The following EID3 variants were observed in gnomAD, a reference collection of about 807,000 sequenced individuals.
EID3 encodes the protein EP300 interacting inhibitor of differentiation 3.
EID3 carries 3 observed loss-of-function variants against 1.6 expected under a neutral mutation model. The ratio of observed to expected loss-of-function variants is 1.87; its 90% CI spans 0.85 to 4.83. The LOEUF (loss-of-function observed/expected upper bound fraction) is 4.83, where lower values mean the gene tolerates loss of function less well. EID3 is among the 30% of genes most tolerant of loss of function. The pLI is 0.02. For missense variants in EID3, 471 were observed against 409.9 expected, an observed-to-expected ratio of 1.15 and a Z score of -1.29; for synonymous variants, 164 against 148.1, an observed-to-expected ratio of 1.11 and a Z score of -0.78.
chr12:104,304,109 G>T lies in EID3; in HGVS notation c.175G>T (p.Val59Leu). 6.2e-7 allele frequency: 1 copy of T among 1,614,026 alleles called. No individual in the cohort carries two copies. Among genetic ancestry groups the T allele is most frequent in the Admixed American group, 1.7e-5 (1 of 60,028 alleles). Residue 59 changes from valine (V) to leucine (L), a missense_variant, in exon 1 of 1, where the codon GTG becomes TTG. Val to Leu is a conservative substitution (Grantham distance 32). Transcript: ENST00000527879. ...CGTGCGGCAGAACCGGGAGGACATC[G>T]TGAGCTCGGCGAACAACTCCTTAAC... ...YCVRQNREDI[V>L]SSANNSLTEA...
In EID3 at chr12:104,304,863, C is replaced by A; in HGVS notation, c.929C>A (p.Thr310Asn). The change falls in exon 1 of 1, where the codon ACT becomes AAT. Residue 310 changes from threonine (T) to asparagine (N), a missense_variant. Thr to Asn is a moderately conservative substitution (Grantham distance 65, BLOSUM62 0). Transcript: ENST00000527879. ...HGRKQGVISLTLQEWKNIVAA... is the reference protein window; with the variant it reads ...HGRKQGVISLNLQEWKNIVAA... ...AGGAAACAGGGAGTTATATCTTTGA[C>A]TTTACAGGAGTGGAAAAACATTGTG... is the stretch of plus-strand genomic sequence containing the variant. 6.2e-7 allele frequency: 1 copy of A among 1,613,742 alleles called. No individual in the cohort carries two copies. The highest frequency in any genetic ancestry group is 1.1e-5 in the South Asian group (1 of 91,026).
chr12:104,304,061 C>T lies in EID3; in HGVS notation c.127C>T (p.Gln43Ter). 2 of 1,613,874 alleles carry T rather than the reference C, an allele frequency of 1.2e-6. No individual in the cohort carries two copies. The highest frequency in any genetic ancestry group is 2.7e-5 in the African/African-American group (2 of 75,060). ...DEEKCRSIRR[Q>*]YRQLMYCVRQ... ...GGAGAAGTGCCGCAGCATCCGCAGG[C>T]AGTACCGGCAGCTCATGTACTGCGT... Residue 43 changes from glutamine to a stop codon, truncating the protein, a stop_gained, in exon 1 of 1, where the codon CAG becomes TAG. Coordinates refer to ENST00000527879, the MANE Select transcript of EID3 (RefSeq NM_001008394.3). LOFTEE classifies it low-confidence loss of function (END_TRUNC).
rs2034830046 is a variant in EID3, at chr12:104,304,920, C to T, written c.986C>T (p.Thr329Ile). The change falls in exon 1 of 1, where the codon ACA (threonine) becomes ATA (isoleucine). Residue 329 changes from threonine to isoleucine, a missense_variant. Transcript: ENST00000527879. ...TTTGAAATTTCTGAGGCTATGATTA[C>T]ATACTCCTCATACTAAAGATTTCTT... is the stretch of plus-strand genomic sequence containing the variant. ...AAFEISEAMITYSSY is the reference protein window; with the variant it reads ...AAFEISEAMIIYSSY 5.0e-6 allele frequency: 8 copies of T among 1,587,388 alleles called. No individual in the cohort carries two copies. Among genetic ancestry groups the T allele is most frequent in the East Asian group, 2.2e-5 (1 of 44,730 alleles).
In EID3 at chr12:104,304,312, C is replaced by T. The variant is rs1455555073; in HGVS notation, c.378C>T (p.Phe126=). Residue 126 remains phenylalanine, a synonymous_variant, in exon 1 of 1, where the codon TTC becomes TTT. Transcript: ENST00000527879. ...CATTTTGTGACTTTCTGTTTCTGTTCGTGGGTCTGAATTGGATGGAAGGCG... is the reference window on the plus strand; with the variant it reads ...CATTTTGTGACTTTCTGTTTCTGTTTGTGGGTCTGAATTGGATGGAAGGCG... ...QLAFCDFLFL[F]VGLNWMEGDP... is the part of the protein sequence containing the mutation. The T allele has an allele frequency of 1.9e-6, 3 of 1,613,952 alleles. No homozygotes were observed. Among genetic ancestry groups the T allele is most frequent in the South Asian group, 1.1e-5 (1 of 91,078 alleles).
Position 104,303,972 on chromosome 12 carries a change from C to G in EID3, c.38C>G (p.Ser13Cys). The G allele has an allele frequency of 6.2e-7, 1 of 1,605,204 alleles. No individual in the cohort carries two copies. The highest frequency in any genetic ancestry group is 1.1e-5 in the South Asian group (1 of 90,814). ...GTGTCAGTGAGGGCCGCGGGCTGCTCCGACGACCTCAGCTCTGGGGAGGCC... is the reference window on the plus strand; with the variant it reads ...GTGTCAGTGAGGGCCGCGGGCTGCTGCGACGACCTCAGCTCTGGGGAGGCC... The part of the protein sequence containing the change: ...MDVSVRAAGC[S>C]DDLSSGEADV... The change falls in exon 1 of 1, where the codon TCC (serine) becomes TGC (cysteine). Residue 13 changes from serine to cysteine, a missense_variant. Ser to Cys is a moderately radical substitution (Grantham distance 112, BLOSUM62 -1). Transcript: ENST00000527879.
Position 104,304,982 on chromosome 12 carries a change from A to T in EID3, c.*46A>T. The T allele has an allele frequency of 6.6e-7, 1 of 1,514,782 alleles. No homozygotes were observed. Among genetic ancestry groups the T allele is most frequent in the East Asian group, 2.3e-5 (1 of 44,096 alleles). The allele number at this position is 1,514,782 out of a possible 1,614,324, so 93.8% of individuals were successfully genotyped here. On this transcript the variant is annotated 3_prime_UTR_variant, in exon 1 of 1. Transcript: ENST00000527879. ...CTTTTTGTGTTTTTTTTCTGAAGTT[A>T]GATGGAGAGTAAAATGTAAACTGAA...
Position 104,304,644 on chromosome 12 carries a change from A to C in EID3, c.710A>C (p.Asp237Ala). The C allele has an allele frequency of 6.2e-7, 1 of 1,613,912 alleles. No individual in the cohort carries two copies. Among genetic ancestry groups the C allele is most frequent in the Non-Finnish European group, 8.5e-7 (1 of 1,179,826 alleles). Residue 237 changes from aspartate to alanine, a missense_variant, in exon 1 of 1, where the codon GAT (aspartate) becomes GCT (alanine). Physicochemically the swap from Asp to Ala is moderately radical, Grantham distance 126. Coordinates refer to ENST00000527879, the MANE Select transcript of EID3 (RefSeq NM_001008394.3). ...LLQTYFRKYP[D>A]TPVSYFEFVI... is the part of the protein sequence containing the mutation. Reference sequence around the variant, plus strand: ...CAAACCTACTTTCGAAAGTATCCTGATACTCCTGTGTCCTATTTTGAGTTT... The same window carrying C: ...CAAACCTACTTTCGAAAGTATCCTGCTACTCCTGTGTCCTATTTTGAGTTT...
Position 104,304,562 on chromosome 12 carries a change from C to T in EID3, c.628C>T (p.Leu210=). The change falls in exon 1 of 1, where the codon CTG becomes TTG. Residue 210 remains leucine (L), a synonymous_variant. Transcript: ENST00000527879. ...GCCTACAAAGTTGCAGAAGTTGGAC[C>T]TGAGTAGTTATCCAGAAGCGACAGA... is the stretch of plus-strand genomic sequence containing the variant. ...NMPTKLQKLD[L]SSYPEATEKN... 6.2e-7 allele frequency: 1 copy of T among 1,613,996 alleles called. No homozygotes were observed.
Position 104,305,024 on chromosome 12 carries a change from T to G in EID3, c.*88T>G. On this transcript the variant is annotated 3_prime_UTR_variant, in exon 1 of 1. Transcript: ENST00000527879. ...TAAACTGAAGCACATATTGTATCTC[T>G]TGTAAAGTGAAAAAGTATTTTCAAG... is the stretch of plus-strand genomic sequence containing the variant. 1.3e-4 allele frequency: 165 copies of G among 1,288,612 alleles called. No homozygotes were observed. Among genetic ancestry groups the G allele is most frequent in the Middle Eastern group, 1.9e-4 (1 of 5,156 alleles). The allele number at this position is 1,288,612 out of a possible 1,614,324, so 79.8% of individuals were successfully genotyped here. A position where few individuals can be genotyped will look rare whatever the true frequency, so the allele number is the denominator to read the frequency against.
At position 104,305,023 on chromosome 12, in the gene EID3, CTTGT is replaced by C; in HGVS notation, c.*88_*91del. On this transcript the variant is annotated 3_prime_UTR_variant, in exon 1 of 1. Transcript: ENST00000527879. ...GTAAACTGAAGCACATATTGTATCT[CTTGT>C]AAAGTGAAAAAGTATTTTCAAGAAC... 7.6e-7 allele frequency: 1 copy of C among 1,321,686 alleles called. No individual in the cohort carries two copies. Among genetic ancestry groups the C allele is most frequent in the Non-Finnish European group, 1.0e-6 (1 of 983,862 alleles). 81.9% of individuals were successfully genotyped at this position (1,321,686 alleles called of 1,614,324 possible). A position where few individuals can be genotyped will look rare whatever the true frequency, so the allele number is the denominator to read the frequency against.
Position 104,304,659 on chromosome 12 carries a change from A to AT in EID3, c.729dup (p.Glu244Ter). The AT allele has an allele frequency of 6.2e-7, 1 of 1,613,984 alleles. No individual in the cohort carries two copies. The highest frequency in any genetic ancestry group is 1.1e-5 in the South Asian group (1 of 91,088). ...AAGTATCCTGATACTCCTGTGTCCT[A>AT]TTTTGAGTTTGTGATTGATCCAAAC... On this transcript the variant is annotated frameshift_variant, in exon 1 of 1. Coordinates refer to ENST00000527879, the MANE Select transcript of EID3 (RefSeq NM_001008394.3). LOFTEE classifies it low-confidence loss of function (END_TRUNC).
In EID3 at chr12:104,304,711, ATT is replaced by A. The variant is rs1565889916; in HGVS notation, c.780_781del (p.Phe260LeufsTer16). On this transcript the variant is annotated frameshift_variant, in exon 1 of 1. Transcript: ENST00000527879. LOFTEE classifies it low-confidence loss of function (END_TRUNC). The stretch of plus-strand genomic sequence containing the variant: ...CTTTTTCTCGTACTGTGGAGAATAT[ATT>A]TTATGTTTCTTTTATTGTAAGAGAT... ...NSFSRTVENI[F>X]YVSFIVRDGF... The A allele has an allele frequency of 1.2e-6, 2 of 1,613,680 alleles. No homozygotes were observed. The highest frequency in any genetic ancestry group is 3.3e-5 in the Admixed American group (2 of 59,948).
rs1235286090 is a variant in EID3, at chr12:104,303,971, T to C, written c.37T>C (p.Ser13Pro). ...MDVSVRAAGC[S>P]DDLSSGEADV... ...TGTGTCAGTGAGGGCCGCGGGCTGCTCCGACGACCTCAGCTCTGGGGAGGC... is the reference window on the plus strand; with the variant it reads ...TGTGTCAGTGAGGGCCGCGGGCTGCCCCGACGACCTCAGCTCTGGGGAGGC... The change falls in exon 1 of 1, where the codon TCC becomes CCC. Residue 13 changes from serine (S) to proline (P), a missense_variant. Coordinates refer to ENST00000527879, the MANE Select transcript of EID3 (RefSeq NM_001008394.3). 3.1e-6 allele frequency: 5 copies of C among 1,605,062 alleles called. No homozygotes were observed. Among genetic ancestry groups the C allele is most frequent in the East Asian group, 4.5e-5 (2 of 44,862 alleles).
At position 104,305,059 on chromosome 12, in the gene EID3, CATT is replaced by C. The variant is rs1379339340; in HGVS notation, c.*124_*126del. On this transcript the variant is annotated 3_prime_UTR_variant, in exon 1 of 1. Coordinates refer to ENST00000527879, the MANE Select transcript of EID3 (RefSeq NM_001008394.3). The stretch of plus-strand genomic sequence containing the variant: ...AAAAAGTATTTTCAAGAACATCAGA[CATT>C]GTTTTACTGTGCAGCATATTTTTCT... 1.9e-6 allele frequency: 2 copies of C among 1,032,178 alleles called. No individual in the cohort carries two copies. Among genetic ancestry groups the C allele is most frequent in the African/African-American group, 3.3e-5 (2 of 61,360 alleles). 63.9% of individuals were successfully genotyped at this position (1,032,178 alleles called of 1,614,324 possible).
In EID3 at chr12:104,304,880, A is replaced by G. The variant is rs779022548; in HGVS notation, c.946A>G (p.Asn316Asp). 38 of 1,612,360 alleles carry G rather than the reference A, an allele frequency of 2.4e-5. No individual in the cohort carries two copies. Among genetic ancestry groups the G allele is most frequent in the Non-Finnish European group, 3.2e-5 (38 of 1,179,538 alleles). Residue 316 changes from asparagine (N) to aspartate (D), a missense_variant, in exon 1 of 1, where the codon AAC (asparagine) becomes GAC (aspartate). Transcript: ENST00000527879. ...VISLTLQEWKNIVAAFEISEA... is the reference protein window; with the variant it reads ...VISLTLQEWKDIVAAFEISEA... ...ATCTTTGACTTTACAGGAGTGGAAA[A>G]ACATTGTGGCAGCTTTTGAAATTTC...
chr12:104,304,651 T>C lies in EID3; in HGVS notation c.717T>C (p.Pro239=), dbSNP rs1483178391. The change falls in exon 1 of 1, where the codon CCT becomes CCC. Residue 239 remains proline, a synonymous_variant. Coordinates refer to ENST00000527879, the MANE Select transcript of EID3 (RefSeq NM_001008394.3). ...QTYFRKYPDT[P]VSYFEFVIDP... is the part of the protein sequence containing the mutation. ...ACTTTCGAAAGTATCCTGATACTCC[T>C]GTGTCCTATTTTGAGTTTGTGATTG... 6.2e-7 allele frequency: 1 copy of C among 1,613,964 alleles called. No homozygotes were observed. The highest frequency in any genetic ancestry group is 1.1e-5 in the South Asian group (1 of 91,086).
In EID3 at chr12:104,304,507, A is replaced by G. The variant is rs929223145; in HGVS notation, c.573A>G (p.Lys191=). The change falls in exon 1 of 1, where the codon AAA becomes AAG. Residue 191 remains lysine (K), a synonymous_variant. Coordinates refer to ENST00000527879, the MANE Select transcript of EID3 (RefSeq NM_001008394.3). ...APKPRLEHQK[K]VRKMEENGNM... ...AGCCCCGACTTGAACACCAGAAAAAAGTTCGCAAGATGGAAGAAAATGGCA... is the reference window on the plus strand; with the variant it reads ...AGCCCCGACTTGAACACCAGAAAAAGGTTCGCAAGATGGAAGAAAATGGCA... 5 of 1,613,920 alleles carry G rather than the reference A, an allele frequency of 3.1e-6. No homozygotes were observed. The highest frequency in any genetic ancestry group is 4.2e-6 in the Non-Finnish European group (5 of 1,179,904).
chr12:104,304,140 C>CTCTGGA lies in EID3; in HGVS notation c.207_212dup (p.Leu70_Glu71insAspLeu). 1.9e-6 allele frequency: 3 copies of CTCTGGA among 1,614,068 alleles called. No individual in the cohort carries two copies. The highest frequency in any genetic ancestry group is 2.5e-6 in the Non-Finnish European group (3 of 1,179,904). Reference sequence around the variant, plus strand: ...TCGGCGAACAACTCCTTAACCGAGGCTCTGGAGGAAGCCAACGTCCTCTTT... The same window carrying CTCTGGA: ...TCGGCGAACAACTCCTTAACCGAGGCTCTGGATCTGGAGGAAGCCAACGTCCTCTTT... On this transcript the variant is annotated inframe_insertion, in exon 1 of 1. Transcript: ENST00000527879.
At position 104,304,089 on chromosome 12, in the gene EID3, G is replaced by A. The variant is rs370679571; in HGVS notation, c.155G>A (p.Arg52Gln). ...TACCGGCAGCTCATGTACTGCGTGC[G>A]GCAGAACCGGGAGGACATCGTGAGC... is the stretch of plus-strand genomic sequence containing the variant. ...RQYRQLMYCVRQNREDIVSSA... is the reference protein window; with the variant it reads ...RQYRQLMYCVQQNREDIVSSA... Residue 52 changes from arginine (R) to glutamine (Q), a missense_variant, in exon 1 of 1, where the codon CGG (arginine) becomes CAG (glutamine). Coordinates refer to ENST00000527879, the MANE Select transcript of EID3 (RefSeq NM_001008394.3). 2.5e-6 allele frequency: 4 copies of A among 1,613,938 alleles called. No homozygotes were observed. Among genetic ancestry groups the A allele is most frequent in the East Asian group, 2.2e-5 (1 of 44,892 alleles).
Sources: gnomAD v4.1 joint callset for allele counts on GRCh38, gnomAD v4.1.1 for gene constraint, MANE v1.5 for transcripts, NCBI Gene and HGNC (gene_info 2026-07-23, HGNC 2026-07-21) for gene names.